The following LZTFL1 variants were observed in gnomAD, a reference collection of about 807,000 sequenced individuals.
LZTFL1 encodes the protein leucine zipper transcription factor like 1.
In LZTFL1, 25 loss-of-function variants were observed where a neutral mutation model predicts 45.9. The ratio of observed to expected loss-of-function variants is 0.54; its 90% confidence interval spans 0.40 to 0.76. LZTFL1 has a LOEUF of 0.76. LZTFL1 is among the 30% of genes least tolerant of loss of function. The pLI, the probability that LZTFL1 is intolerant of heterozygous loss-of-function variation, is 0.00. For synonymous variants in LZTFL1, 93 were observed against 117.4 expected (o/e 0.79, Z 1.35); for missense variants, 277 against 331.1 (o/e 0.84, Z 1.27).
At chr3:45,841,801 C>A in intron 1 of LZTFL1, 188 bp downstream of exon 1, 1 of 707,222 alleles carries the variant, frequency 1.4e-6, no homozygotes, top group Non-Finnish European at 2.4e-6. Flanking sequence ...CAGGATTACC[C>A]CAGAAGGGCT....
intron 2 of LZTFL1, among the ~76,000 whole-genome samples, chr3:45,875,419 T>C (rs1008595440): frequency 6.6e-6 from 1 of 152,238 alleles, no homozygotes; most frequent in Non-Finnish European, 1.5e-5. Context: ...GAATTTTGAA[T>C]TAGTTCTGGA....
intron 1 of LZTFL1, among the ~76,000 whole-genome samples, chr3:45,913,625 G>A (rs961992050): frequency 6.6e-6 from 1 of 152,138 alleles, no homozygotes; most frequent in Non-Finnish European, 1.5e-5. Context: ...CAAAGTGACA[G>A]GTCTAGCTAG....
At chr3:45,827,963 A>G (rs2125675897) in intron 8 of LZTFL1, among the ~76,000 whole-genome samples, 1 of 152,244 alleles carries the variant, frequency 6.6e-6, no homozygotes, top group African/African-American at 2.4e-5. Flanking sequence ...TTGGCCTCCC[A>G]AAGTGCTGGG....
At chr3:45,847,198 A>G (rs34288077) in intron 4 of LZTFL1, among the ~76,000 whole-genome samples, 9,400 of 152,276 alleles carry the variant, frequency 0.062, 501 homozygotes, top group South Asian at 0.27. Flanking sequence ...TATTTTGCAT[A>G]TCTACAATCT....
chr3:45,910,097 T>C (rs1158290878), intron 2 of LZTFL1, among the ~76,000 whole-genome samples: 4 of 152,200 alleles, frequency 2.6e-5, no homozygotes, highest in Admixed American at 2.6e-4. Context: ...TCAGGAAGAT[T>C]TTTAAGTGGG....
At chr3:45,863,060 T>C (rs1207844853) in intron 2 of LZTFL1, among the ~76,000 whole-genome samples, 1 of 152,144 alleles carries the variant, frequency 6.6e-6, no homozygotes, top group Non-Finnish European at 1.5e-5. Flanking sequence ...TAAAAACACA[T>C]GCATTGAATG....
At chr3:45,874,731 G>A (rs577028268) in intron 2 of LZTFL1, among the ~76,000 whole-genome samples, 18 of 152,266 alleles carry the variant, frequency 1.2e-4, no homozygotes, top group African/African-American at 4.1e-4. Flanking sequence ...CCTTGAATCC[G>A]GGCGGACTTT....
chr3:45,892,091 A>G (rs1292596451), intron 2 of LZTFL1, among the ~76,000 whole-genome samples: 2 of 152,120 alleles, frequency 1.3e-5, no homozygotes, highest in African/African-American at 4.8e-5. Flanking sequence ...AGATTCCAAG[A>G]TCAGGGCACT....
At chr3:45,890,279 T>A (rs74586406) in intron 2 of LZTFL1, among the ~76,000 whole-genome samples, 1 of 75,768 alleles carries the variant, frequency 1.3e-5, no homozygotes. Flanking sequence ...AACATATATA[T>A]ATATTTATAT....
intron 2 of LZTFL1, among the ~76,000 whole-genome samples, chr3:45,904,239 C>G (rs1702635180): frequency 6.6e-6 from 1 of 152,226 alleles, no homozygotes; most frequent in Non-Finnish European, 1.5e-5. Context: ...TTAATCATTT[C>G]TCAAATATGT....
Position 45,827,388 on chromosome 3 carries a change from G to C in LZTFL1, c.849C>G (p.Asp283Glu), listed in dbSNP as rs1700695555. The C allele has an allele frequency of 6.2e-7, 1 of 1,613,688 alleles. No individual in the cohort carries two copies. Among genetic ancestry groups the C allele is most frequent in the African/African-American group, 1.3e-5 (1 of 75,016 alleles). The change falls in exon 9 of 10, where the codon GAC becomes GAG. Residue 283 changes from aspartate (D) to glutamate (E), a missense_variant. Asp to Glu is a conservative substitution (Grantham distance 45, BLOSUM62 2). Transcript: ENST00000296135. ...GTCTTTTCCTCAGATCTTTGATTTG[G>C]TCATTCTTCTTGGTAAGAATCTCTT... ...NMKEILTKKN[D>E]QIKDLRKRLA...
At chr3:45,851,091 C>A (rs961284866) in intron 4 of LZTFL1, among the ~76,000 whole-genome samples, 1 of 152,196 alleles carries the variant, frequency 6.6e-6, no homozygotes, top group Non-Finnish European at 1.5e-5. Flanking sequence ...TCATAGCCAG[C>A]AGCTGTTCCA....
At chr3:45,858,432 T>G (rs939272518) in intron 3 of LZTFL1, among the ~76,000 whole-genome samples, 5 of 152,218 alleles carry the variant, frequency 3.3e-5, no homozygotes, top group African/African-American at 1.2e-4. Context: ...ACAGAAACAG[T>G]CAAAGTGACA....
At chr3:45,831,469 G>C (rs934912016) in intron 5 of LZTFL1, among the ~76,000 whole-genome samples, 5 of 151,998 alleles carry the variant, frequency 3.3e-5, no homozygotes, top group Non-Finnish European at 4.4e-5. Flanking sequence ...GCAAATCCTG[G>C]GTCTATTCTC....
At chr3:45,895,013 G>A in intron 2 of LZTFL1, 1 of 1,549,988 alleles carries the variant, frequency 6.5e-7, no homozygotes. Flanking sequence ...CCCTTTTTAG[G>A]GGGTGTGGGA....
At position 45,824,482 on chromosome 3, in the gene LZTFL1, G is replaced by C. The variant is rs1238051337; in HGVS notation, c.*1832C>G. 4.8e-6 allele frequency: 1 copy of C among 206,920 alleles called. No homozygotes were observed. 12.8% of individuals were successfully genotyped at this position (206,920 alleles called of 1,614,324 possible). A position where few individuals can be genotyped will look rare whatever the true frequency, so the allele number is the denominator to read the frequency against. The stretch of plus-strand genomic sequence containing the variant: ...GAACATCATATTTGTTTATCTTAAT[G>C]CTTGGCATAGTTGGTTTTAAGGTTT... On this transcript the variant is annotated 3_prime_UTR_variant, in exon 10 of 10. Transcript: ENST00000296135.
chr3:45,841,267 T>C (rs1559406392), intron 1 of LZTFL1, among the ~76,000 whole-genome samples: 2 of 152,218 alleles, frequency 1.3e-5, no homozygotes, highest in Non-Finnish European at 2.9e-5. Flanking sequence ...CAGGTGGTGC[T>C]CTCAACCCTG....
chr3:45,854,661 T>G (rs1701361115), intron 4 of LZTFL1: 2 of 180,906 alleles, frequency 1.1e-5, no homozygotes, highest in South Asian at 1.9e-4. Flanking sequence ...CCAAGTGGGA[T>G]TCTCAAAAAC....
Position 45,910,330 on chromosome 3 carries a change from T to C in LZTFL1, c.-215+2790A>G, listed in dbSNP as rs1054486563. On this transcript the variant is annotated intron_variant, in intron 2 of 4. Coordinates refer to the LZTFL1 transcript ENST00000472635. ...CTTACTCTGGGGGTAGACACAATGG[T>C]GAAGATTAGAATTGAAAGAAAGGAA... Among the ~76,000 whole-genome samples the C allele has an allele frequency of 8.5e-5, 13 of 152,222 alleles. No homozygotes were observed. The South Asian group carries it at 2.3e-3, about 27-fold the overall frequency.
Sources: allele counts gnomAD v4.1 joint callset (sites outside exome capture counted in the v4.1 genomes callset), GRCh38; gene constraint gnomAD v4.1.1; transcripts MANE v1.5; gene names NCBI Gene and HGNC (gene_info 2026-07-23, HGNC 2026-07-21).